Variants in PPA1 observed in about 807,000 individuals in gnomAD.
PPA1 encodes the protein inorganic pyrophosphatase.
PPA1 carries 23 observed loss-of-function variants against 41.8 expected under a neutral mutation model. That is an observed-to-expected ratio of 0.55 (90% CI 0.40 to 0.78). The LOEUF (loss-of-function observed/expected upper bound fraction) is 0.78, where lower values mean the gene tolerates loss of function less well. PPA1 is among the 30% of genes least tolerant of loss of function. The probability of loss-of-function intolerance (pLI) is 0.00; values close to 1 mark genes in which losing one functional copy is unlikely to be tolerated. For synonymous variants in PPA1, 101 were observed against 116.8 expected (o/e 0.86, Z 0.87); for missense variants, 320 against 361.6 (o/e 0.89, Z 0.93).
intron 2 of PPA1, among the ~76,000 whole-genome samples, chr10:70,222,802 T>C (rs186784496): frequency 6.6e-6 from 1 of 152,180 alleles, no homozygotes; most frequent in African/African-American, 2.4e-5. Flanking sequence ...CATTTAGCAT[T>C]AGGTATATCT....
chr10:70,224,011 G>A (rs1033399898), intron 2 of PPA1, among the ~76,000 whole-genome samples: 2 of 152,080 alleles, frequency 1.3e-5, no homozygotes, highest in African/African-American at 4.8e-5. Context: ...CTCCCTAGAG[G>A]GATGATTTTG....
intron 2 of PPA1, among the ~76,000 whole-genome samples, chr10:70,220,741 A>T (rs190558549): frequency 0.064 from 229 of 3,604 alleles, 63 homozygotes; most frequent in Non-Finnish European, 0.13. Flanking sequence ...TATATAATTT[A>T]TATATATATA....
At chr10:70,207,118 C>CT (rs1290437419) in intron 8 of PPA1, among the ~76,000 whole-genome samples, 1 of 151,888 alleles carries the variant, frequency 6.6e-6, no homozygotes, top group African/African-American at 2.4e-5. Context: ...TATCCAAAAC[C>CT]TTTTAAAAAG....
chr10:70,225,073 C>CTA (rs1840213861), intron 2 of PPA1, among the ~76,000 whole-genome samples: 1 of 152,148 alleles, frequency 6.6e-6, no homozygotes. Flanking sequence ...ATTCGATGAA[C>CTA]TATACTACAG....
At chr10:70,221,016 T>A (rs1281012686) in intron 2 of PPA1, among the ~76,000 whole-genome samples, 28 of 69,220 alleles carry the variant, frequency 4.0e-4, no homozygotes, top group African/African-American at 1.5e-3. Context: ...ATATATATAA[T>A]TTATATATAT....
intron 4 of PPA1, among the ~76,000 whole-genome samples, chr10:70,216,567 A>G (rs1383348173): frequency 6.6e-6 from 1 of 152,182 alleles, no homozygotes; most frequent in Non-Finnish European, 1.5e-5. Flanking sequence ...TGCTTACCTA[A>G]CAAGCTAGAT....
At chr10:70,225,638 C>T (rs1840221897) in intron 2 of PPA1, among the ~76,000 whole-genome samples, 1 of 146,436 alleles carries the variant, frequency 6.8e-6, no homozygotes, top group African/African-American at 2.4e-5. Flanking sequence ...CTAATCCAAA[C>T]CAAGCTTTAA....
At chr10:70,206,473 T>C (rs965362520) in intron 8 of PPA1, 140 bp from the exon 9 acceptor site, 1 of 639,500 alleles carries the variant, frequency 1.6e-6, no homozygotes, top group African/African-American at 1.8e-5. Flanking sequence ...CATTTAACAT[T>C]CTAATTATGT....
At chr10:70,206,439 T>A in intron 8 of PPA1, 106 bp from the exon 9 acceptor site, 1 of 798,000 alleles carries the variant, frequency 1.3e-6, no homozygotes, top group Non-Finnish European at 2.1e-6. Flanking sequence ...TCAAGTTTAG[T>A]TTAGTCGAAA....
At chr10:70,217,097 G>A (rs1014657138) in intron 4 of PPA1, among the ~76,000 whole-genome samples, 25 of 151,694 alleles carry the variant, frequency 1.6e-4, no homozygotes, top group African/African-American at 6.1e-4. Context: ...CGGAGCTTTT[G>A]CAGTGAGCCG....
intron 1 of PPA1, 93 bp downstream of exon 1, chr10:70,233,171 G>C: frequency 7.2e-7 from 1 of 1,385,592 alleles, no homozygotes. Context: ...CGGAGACCTG[G>C]GGCCGAGCGC....
intron 2 of PPA1, among the ~76,000 whole-genome samples, chr10:70,221,058 TTA>T (rs1470145450): frequency 1.9e-3 from 43 of 23,192 alleles, no homozygotes; most frequent in Middle Eastern, 0.022. Context: ...TATATATAAT[TTA>T]TATATATATA....
intron 8 of PPA1, 68 bp downstream of exon 8, chr10:70,209,137 G>T: frequency 8.5e-7 from 1 of 1,170,192 alleles, no homozygotes; most frequent in Non-Finnish European, 1.3e-6. Context: ...AGTGTCTTAT[G>T]ATTATTAAAA....
At chr10:70,217,362 T>A (rs183058638) in intron 4 of PPA1, among the ~76,000 whole-genome samples, 1 of 152,200 alleles carries the variant, frequency 6.6e-6, no homozygotes, top group Non-Finnish European at 1.5e-5. Context: ...ATACTGTGAA[T>A]AGCTCAGGGA....
At chr10:70,203,368 T>C (rs1439817908) in intron 10 of PPA1, among the ~76,000 whole-genome samples, 182 bp from the exon 11 acceptor site, 1 of 152,204 alleles carries the variant, frequency 6.6e-6, no homozygotes, top group Non-Finnish European at 1.5e-5. Flanking sequence ...TGGGCTTCCT[T>C]ACACTTCATG....
chr10:70,211,036 T>A (rs10740331), intron 6 of PPA1, among the ~76,000 whole-genome samples: 45,499 of 151,858 alleles, frequency 0.3, 7,155 homozygotes, highest in Non-Finnish European at 0.35. Flanking sequence ...GTGCTGGGAT[T>A]ACAGGCGTGA....
chr10:70,216,920 A>C (rs999294384), intron 4 of PPA1, among the ~76,000 whole-genome samples: 1 of 152,214 alleles, frequency 6.6e-6, no homozygotes, highest in Non-Finnish European at 1.5e-5. Context: ...CTGTAATCCC[A>C]GCACTTTGGG....
Position 70,206,331 on chromosome 10 carries a change from A to G in PPA1, c.728T>C (p.Met243Thr), listed in dbSNP as rs1839938628. Residue 243 changes from methionine (M) to threonine (T), a missense_variant and splice_region_variant, in exon 9 of 11, where the codon ATG (methionine) becomes ACG (threonine). Coordinates refer to ENST00000373232, the MANE Select transcript of PPA1 (RefSeq NM_021129.4). ...KKTNGKGISC[M>T]NTTLSESPFK... ...GGGGCTCTCAGACAAAGTTGTATTC[A>G]TGCTATTAAATAAAACAAAAGTAGT... 6.2e-7 allele frequency: 1 copy of G among 1,609,812 alleles called. No homozygotes were observed. The highest frequency in any genetic ancestry group is 8.5e-7 in the Non-Finnish European group (1 of 1,176,184).
chr10:70,213,508 C>G lies in PPA1; in HGVS notation c.466G>C (p.Val156Leu). 1 of 1,614,046 alleles carries G rather than the reference C, an allele frequency of 6.2e-7. No individual in the cohort carries two copies. Among genetic ancestry groups the G allele is most frequent in the South Asian group, 1.1e-5 (1 of 91,076 alleles). Reference protein sequence around the residue: ...MIDEGETDWKVIAINVDDPDA... With the variant: ...MIDEGETDWKLIAINVDDPDA... Reference sequence around the variant, plus strand: ...GGATCATCCACATTAATGGCAATGACTTTCCAGTCGGTTTCCCCTTCGTCA... The same window carrying G: ...GGATCATCCACATTAATGGCAATGAGTTTCCAGTCGGTTTCCCCTTCGTCA... Residue 156 changes from valine to leucine, a missense_variant, in exon 6 of 11, where the codon GTC becomes CTC. Val to Leu is a conservative substitution (Grantham distance 32, BLOSUM62 1). Transcript: ENST00000373232.
Sources: allele counts gnomAD v4.1 joint callset (sites outside exome capture counted in the v4.1 genomes callset), GRCh38; gene constraint gnomAD v4.1.1; transcripts MANE v1.5; gene names NCBI Gene and HGNC (gene_info 2026-07-23, HGNC 2026-07-21).